Variants in RPF2 observed in about 807,000 individuals in gnomAD.
RPF2 encodes the protein brix domain containing 1.
In RPF2, 21 loss-of-function variants were observed where a neutral mutation model predicts 38.9. That is an observed-to-expected ratio of 0.54 (90% CI 0.38 to 0.78). The LOEUF is 0.78. Among genes scored for constraint, RPF2 ranks in the 30% least tolerant of loss-of-function variants. The pLI is 0.00. For missense variants in RPF2, 314 were observed against 358.1 expected, an observed-to-expected ratio of 0.88 and a Z score of 0.99; for synonymous variants, 121 against 126.2, an observed-to-expected ratio of 0.96 and a Z score of 0.28.
At chr6:111,011,886 AAG>A (rs1302094120) in intron 7 of RPF2, among the ~76,000 whole-genome samples, 1 of 152,184 alleles carries the variant, frequency 6.6e-6, no homozygotes, top group Non-Finnish European at 1.5e-5. Context: ...GAAAACCAAA[AAG>A]GAATCTGGAC....
intron 7 of RPF2, among the ~76,000 whole-genome samples, chr6:111,010,710 T>A (rs1202665766): frequency 6.6e-6 from 1 of 152,232 alleles, no homozygotes; most frequent in Non-Finnish European, 1.5e-5. Flanking sequence ...GTAGATCACT[T>A]TTGAAAAATT....
chr6:111,001,038 C>T (rs1049095794), intron 6 of RPF2, among the ~76,000 whole-genome samples: 6 of 152,084 alleles, frequency 3.9e-5, no homozygotes, highest in African/African-American at 1.2e-4. Flanking sequence ...CAACTTTATC[C>T]CGTGAGTTTG....
At chr6:110,982,441 C>T in intron 1 of RPF2, 1 of 412,250 alleles carries the variant, frequency 2.4e-6, no homozygotes, top group East Asian at 4.4e-5. Context: ...GGAGCACAGC[C>T]CTCGGAATCC....
chr6:110,993,282 T>C (rs989246158), intron 4 of RPF2, among the ~76,000 whole-genome samples: 1 of 147,372 alleles, frequency 6.8e-6, no homozygotes, highest in African/African-American at 2.6e-5. Flanking sequence ...TTTCTTAAGT[T>C]CACTTGACCT....
rs1284398740 is a variant in RPF2, at chr6:111,015,835, A to C, written c.575A>C (p.Lys192Thr). ...YVLHFTALNGKIYFRSYKLLL... is the reference protein window; with the variant it reads ...YVLHFTALNGTIYFRSYKLLL... Reference sequence around the variant, plus strand: ...CTGCACTTCACTGCACTGAATGGGAAGATTTACTTTCGAAGCTATAAGTAA... The same window carrying C: ...CTGCACTTCACTGCACTGAATGGGACGATTTACTTTCGAAGCTATAAGTAA... Residue 192 changes from lysine (K) to threonine (T), a missense_variant, in exon 8 of 10, where the codon AAG becomes ACG. Physicochemically the swap from Lys to Thr is moderately conservative, Grantham distance 78 (BLOSUM62 -1). Transcript: ENST00000441448. 6.2e-7 allele frequency: 1 copy of C among 1,610,328 alleles called. No individual in the cohort carries two copies. Among genetic ancestry groups the C allele is most frequent in the East Asian group, 2.2e-5 (1 of 44,870 alleles).
chr6:111,015,192 G>T (rs975944926), intron 7 of RPF2, among the ~76,000 whole-genome samples: 2 of 152,140 alleles, frequency 1.3e-5, no homozygotes, highest in African/African-American at 4.8e-5. Context: ...ATGCTCTCAT[G>T]TGCCACCGGT....
intron 9 of RPF2, 130 bp downstream of exon 9, chr6:111,024,457 T>A (rs1388183812): frequency 5.3e-6 from 4 of 753,636 alleles, no homozygotes; most frequent in Non-Finnish European, 7.9e-6. Flanking sequence ...CTCACGCCTG[T>A]AATCCCAGCA....
rs372539304 is a variant in RPF2, at chr6:111,027,963, T to C, written c.*2381T>C. 1 of 152,232 alleles carries C rather than the reference T, an allele frequency of 6.6e-6. No homozygotes were observed. 9.4% of individuals were successfully genotyped at this position (152,232 alleles called of 1,614,324 possible). A position where few individuals can be genotyped will look rare whatever the true frequency, so the allele number is the denominator to read the frequency against. On this transcript the variant is annotated 3_prime_UTR_variant, in exon 10 of 10. Transcript: ENST00000441448. ...TACAACACACATAAATTGGAGACTA[T>C]GTATTCATTTCAATGGAGGTGGTAA... is the stretch of plus-strand genomic sequence containing the variant.
chr6:111,006,670 C>T (rs1004267698), intron 6 of RPF2, among the ~76,000 whole-genome samples: 6 of 152,144 alleles, frequency 3.9e-5, no homozygotes, highest in Admixed American at 2.0e-4. Context: ...TACAGTGGCA[C>T]GATCATGGCT....
intron 7 of RPF2, among the ~76,000 whole-genome samples, chr6:111,015,414 G>C (rs9386986): frequency 6.6e-6 from 1 of 151,922 alleles, no homozygotes; most frequent in Admixed American, 6.6e-5. Context: ...ATAGAAATTT[G>C]CTATCTTCAT....
At chr6:111,019,854 T>C (rs775786238) in intron 8 of RPF2, among the ~76,000 whole-genome samples, 2 of 152,248 alleles carry the variant, frequency 1.3e-5, no homozygotes, top group Non-Finnish European at 2.9e-5. Context: ...TATCTCATTA[T>C]ACGTATGCAA....
chr6:111,024,211 A>G lies in RPF2; in HGVS notation c.625A>G (p.Thr209Ala), dbSNP rs950506152. Residue 209 changes from threonine to alanine, a missense_variant, in exon 9 of 10, where the codon ACA becomes GCA. Transcript: ENST00000441448. ...KLLLKKSGCR[T>A]PRIELEEMGP... ...GCTGTTGAAGAAATCTGGTTGCAGA[A>G]CACCACGGATTGAATTGGAAGAGAT... 6.2e-7 allele frequency: 1 copy of G among 1,607,134 alleles called. No homozygotes were observed. The highest frequency in any genetic ancestry group is 1.3e-5 in the African/African-American group (1 of 74,612).
rs758576665 is a variant in RPF2 at position 110,997,236 on chromosome 6, TAAG to T, written c.292_294del (p.Lys98del). 24 of 1,602,284 alleles carry T rather than the reference TAAG, an allele frequency of 1.5e-5. No individual in the cohort carries two copies. Among genetic ancestry groups the T allele is most frequent in the Non-Finnish European group, 2.0e-5 (23 of 1,171,006 alleles). On this transcript the variant is annotated inframe_deletion, in exon 5 of 10. Coordinates refer to ENST00000441448, the MANE Select transcript of RPF2 (RefSeq NM_032194.3). ...CTTTATTCATGTTTGGCTCCCATAA[TAAG>T]AAGCGGCCAAATAATCTAGTAATAG...
chr6:111,007,778 G>A (rs577500133), intron 6 of RPF2, among the ~76,000 whole-genome samples: 12 of 151,244 alleles, frequency 7.9e-5, no homozygotes, highest in Non-Finnish European at 1.6e-4. Context: ...AACCCAGTCT[G>A]TAAGAAAAAT....
chr6:111,007,928 C>T, intron 6 of RPF2, 110 bp from the exon 7 acceptor site: 1 of 1,199,008 alleles, frequency 8.3e-7, no homozygotes, highest in African/African-American at 1.6e-5. Context: ...GCCTGGATGA[C>T]AGAGTGAGAC....
chr6:111,026,673 A>G lies in RPF2; in HGVS notation c.*1091A>G, dbSNP rs147310274. 1 of 152,290 alleles carries G rather than the reference A, an allele frequency of 6.6e-6. No homozygotes were observed. The highest frequency in any genetic ancestry group is 2.4e-5 in the African/African-American group (1 of 41,558). The allele number at this position is 152,290 out of a possible 1,614,324, so 9.4% of individuals were successfully genotyped here. A position where few individuals can be genotyped will look rare whatever the true frequency, so the allele number is the denominator to read the frequency against. On this transcript the variant is annotated 3_prime_UTR_variant, in exon 10 of 10. Coordinates refer to ENST00000441448, the MANE Select transcript of RPF2 (RefSeq NM_032194.3). ...CCAAAGCCTAACTACTTGTTTTGAA[A>G]GTTTCTTGAAGACAGGCCTTGTGCC...
intron 1 of RPF2, among the ~76,000 whole-genome samples, chr6:110,983,351 A>T (rs1171692530): frequency 1.1e-4 from 15 of 140,024 alleles, no homozygotes; most frequent in Admixed American, 8.2e-4. Context: ...GCTTTAAAAA[A>T]TTTGTTTTTT....
intron 3 of RPF2, among the ~76,000 whole-genome samples, chr6:110,991,116 C>T (rs557641189): frequency 6.6e-6 from 1 of 152,256 alleles, no homozygotes; most frequent in East Asian, 1.9e-4. Context: ...ATATAACCCA[C>T]ACACTTCCTC....
chr6:111,024,584 G>T (rs960451835), intron 9 of RPF2, among the ~76,000 whole-genome samples: 8 of 151,842 alleles, frequency 5.3e-5, no homozygotes, highest in African/African-American at 1.9e-4. Context: ...GTGGTAGCGG[G>T]CGCCTGTAGT....
Sources: gnomAD v4.1 joint callset for allele counts (sites outside exome capture counted in the v4.1 genomes callset) on GRCh38, gnomAD v4.1.1 for gene constraint, MANE v1.5 for transcripts, NCBI Gene and HGNC (gene_info 2026-07-23, HGNC 2026-07-21) for gene names.